Variants in EVA1C observed in about 807,000 individuals in gnomAD.
The protein encoded by EVA1C is eva-1 homolog C.
Under a neutral mutation model 45.4 loss-of-function variants are expected in EVA1C, and 25 were observed. The observed-to-expected ratio is 0.55, with a 90% CI of 0.40 to 0.77. The LOEUF (loss-of-function observed/expected upper bound fraction) is 0.77, where lower values mean the gene tolerates loss of function less well. Among genes scored for constraint, EVA1C ranks in the 30% least tolerant of loss-of-function variants. The pLI, the probability that EVA1C is intolerant of heterozygous loss-of-function variation, is 0.00. For synonymous variants in EVA1C, 190 were observed against 221.2 expected (o/e 0.86, Z 1.25); for missense variants, 479 against 554.8 (o/e 0.86, Z 1.37).
chr21:32,418,385 C>A (rs958495767), intron 1 of EVA1C, among the ~76,000 whole-genome samples: 4 of 152,158 alleles, frequency 2.6e-5, no homozygotes, highest in Non-Finnish European at 5.9e-5. Flanking sequence ...TCTGCCGGCT[C>A]TTTTTATGGC....
chr21:32,478,410 G>A (rs563039443), intron 4 of EVA1C, among the ~76,000 whole-genome samples: 16 of 152,052 alleles, frequency 1.1e-4, no homozygotes, highest in South Asian at 2.1e-4. Flanking sequence ...TAGTAAAGAC[G>A]GGGTTTCACC....
intron 1 of EVA1C, among the ~76,000 whole-genome samples, chr21:32,437,925 T>A (rs1687667874): frequency 6.6e-6 from 1 of 152,186 alleles, no homozygotes; most frequent in African/African-American, 2.4e-5. Flanking sequence ...CTGGAGGCCT[T>A]GGGACTCTAA....
intron 1 of EVA1C, among the ~76,000 whole-genome samples, chr21:32,418,631 A>C (rs2034144210): frequency 6.6e-6 from 1 of 152,236 alleles, no homozygotes; most frequent in Non-Finnish European, 1.5e-5. Context: ...AAGTTGCCCA[A>C]GACCACCCAG....
intron 1 of EVA1C, among the ~76,000 whole-genome samples, chr21:32,437,575 C>G (rs777270092): frequency 3.3e-5 from 5 of 152,222 alleles, no homozygotes; most frequent in Non-Finnish European, 1.5e-5. Flanking sequence ...GCCTCTGTGA[C>G]AGCCTCAAAC....
intron 1 of EVA1C, among the ~76,000 whole-genome samples, chr21:32,425,421 C>T (rs547226078): frequency 5.3e-5 from 8 of 150,952 alleles, no homozygotes; most frequent in Non-Finnish European, 8.8e-5. Context: ...TAGCCTTGAG[C>T]GATTCTCCTG....
intron 7 of EVA1C, among the ~76,000 whole-genome samples, chr21:32,505,459 G>A (rs566993202): frequency 6.6e-6 from 1 of 152,194 alleles, no homozygotes; most frequent in East Asian, 1.9e-4. Flanking sequence ...CCTCCAGACA[G>A]AGAATAACGA....
chr21:32,426,624 C>T (rs113969587), intron 1 of EVA1C, among the ~76,000 whole-genome samples: 11 of 152,158 alleles, frequency 7.2e-5, no homozygotes, highest in Admixed American at 1.3e-4. Flanking sequence ...TATCAAGATA[C>T]GCTGGAGTTT....
chr21:32,470,584 C>G (rs957256904), intron 4 of EVA1C, among the ~76,000 whole-genome samples: 1 of 152,176 alleles, frequency 6.6e-6, no homozygotes, highest in Non-Finnish European at 1.5e-5. Context: ...TCTCTGATAA[C>G]ACCTGCGTGT....
chr21:32,491,361 G>A (rs919180263), intron 4 of EVA1C, among the ~76,000 whole-genome samples: 1 of 151,912 alleles, frequency 6.6e-6, no homozygotes, highest in Non-Finnish European at 1.5e-5. Flanking sequence ...GGGGGGTTGG[G>A]GATCTTAAGC....
Position 32,416,321 on chromosome 21 carries a change from CT to C in EVA1C, c.160+3327del, listed in dbSNP as rs909665670. 5.3e-3 allele frequency among the ~76,000 whole-genome samples: 706 copies of C among 134,296 alleles called. 1 individual carries two copies. The highest frequency in any genetic ancestry group is 7.8e-3 in the Non-Finnish European group (485 of 62,150). The allele number at this position is 134,296 out of a possible 152,430, so 88.1% of individuals were successfully genotyped here. Reference sequence around the variant, plus strand: ...TTTCTCTCCTTTTCTTTTTCTTTTTCTTTTTTTTTTTTTTTTTTTCTTTTTG... The same window carrying C: ...TTTCTCTCCTTTTCTTTTTCTTTTTCTTTTTTTTTTTTTTTTTTCTTTTTG... On this transcript the variant is annotated intron_variant, in intron 1 of 7. Transcript: ENST00000300255.
At chr21:32,430,420 G>A (rs2034653484) in intron 1 of EVA1C, among the ~76,000 whole-genome samples, 2 of 152,232 alleles carry the variant, frequency 1.3e-5, no homozygotes, top group Middle Eastern at 6.8e-3. Context: ...ACATCACAAG[G>A]GTTTCAGACT....
chr21:32,454,383 A>C (rs562083084), intron 2 of EVA1C, among the ~76,000 whole-genome samples: 2 of 152,190 alleles, frequency 1.3e-5, no homozygotes, highest in African/African-American at 2.4e-5. Context: ...CTTCTACTAC[A>C]TAGTACCAGG....
At chr21:32,453,256 C>T (rs1465293589) in intron 1 of EVA1C, 56 bp from the exon 2 acceptor site, 4 of 1,350,772 alleles carry the variant, frequency 3.0e-6, no homozygotes, top group Admixed American at 1.8e-5. Flanking sequence ...GTCCCCAAAC[C>T]CATGGAGGAG....
chr21:32,429,198 G>A (rs1211594075), intron 1 of EVA1C, among the ~76,000 whole-genome samples: 1 of 151,934 alleles, frequency 6.6e-6, no homozygotes, highest in Non-Finnish European at 1.5e-5. Flanking sequence ...CCACCACAAA[G>A]CACAGCTAAT....
At chr21:32,421,077 A>G (rs2034250147) in intron 1 of EVA1C, among the ~76,000 whole-genome samples, 2 of 152,212 alleles carry the variant, frequency 1.3e-5, no homozygotes, top group Non-Finnish European at 1.5e-5. Context: ...TGTTTCTGGA[A>G]ATTGGTGTTC....
rs536837756 is a variant in EVA1C at position 32,439,298 on chromosome 21, G to A, written c.161-14014G>A. Among the ~76,000 whole-genome samples, 52 of 151,294 alleles carry A rather than the reference G, an allele frequency of 3.4e-4. No homozygotes were observed. The South Asian group carries it at 0.01, about 31-fold the overall frequency. ...CCGTCAGCAAAGGAAGGATGAAGGGGAGTGAATAAAGGGTCCACAGGACAA... is the reference window on the plus strand; with the variant it reads ...CCGTCAGCAAAGGAAGGATGAAGGGAAGTGAATAAAGGGTCCACAGGACAA... On this transcript the variant is annotated intron_variant, in intron 1 of 7. Coordinates refer to ENST00000300255, the MANE Select transcript of EVA1C (RefSeq NM_058187.5).
At chr21:32,499,936 C>T (rs1313940707) in intron 5 of EVA1C, among the ~76,000 whole-genome samples, 1 of 152,136 alleles carries the variant, frequency 6.6e-6, no homozygotes, top group Non-Finnish European at 1.5e-5. Flanking sequence ...TCTGAAACCA[C>T]CTTCAGAGGA....
At chr21:32,509,948 T>G (rs529523283) in intron 7 of EVA1C, among the ~76,000 whole-genome samples, 34 of 150,976 alleles carry the variant, frequency 2.3e-4, no homozygotes, top group Non-Finnish European at 4.4e-4. Context: ...GAGTTGAACT[T>G]GGGGAGGGTG....
chr21:32,440,060 T>G (rs1381547952), intron 1 of EVA1C, among the ~76,000 whole-genome samples: 1 of 152,036 alleles, frequency 6.6e-6, no homozygotes, highest in Non-Finnish European at 1.5e-5. Context: ...GCGGTGCCCT[T>G]CCACCCTCCT....
Sources: gnomAD v4.1 joint callset for allele counts (sites outside exome capture counted in the v4.1 genomes callset) on GRCh38, gnomAD v4.1.1 for gene constraint, MANE v1.5 for transcripts, NCBI Gene and HGNC (gene_info 2026-07-23, HGNC 2026-07-21) for gene names.